PDYN: variants seen among roughly 807,000 people sequenced by gnomAD.
PDYN encodes proenkephalin-B.
In PDYN, 5 loss-of-function variants were observed where a neutral mutation model predicts 11.4. The observed-to-expected ratio is 0.44, with a 90% CI of 0.23 to 0.92. PDYN has a LOEUF of 0.92. Among genes scored for constraint, PDYN ranks in the 40% least tolerant of loss-of-function variants. The pLI is 0.24. For synonymous variants in PDYN, 132 were observed against 129.5 expected, an observed-to-expected ratio of 1.02 and a Z score of -0.13; for missense variants, 337 against 317.3, an observed-to-expected ratio of 1.06 and a Z score of -0.47.
chr20:1,990,818 A>G (rs1445515453), intron 2 of PDYN, among the ~76,000 whole-genome samples: 1 of 152,072 alleles, frequency 6.6e-6, no homozygotes, highest in African/African-American at 2.4e-5. Flanking sequence ...GAGATGTAAA[A>G]AGAGAGAGTT....
rs1255371062 is a variant in PDYN, at chr20:1,980,629, A to G, written c.459T>C (p.Asp153=). The G allele has an allele frequency of 6.2e-7, 1 of 1,614,094 alleles. No homozygotes were observed. The highest frequency in any genetic ancestry group is 8.5e-7 in the Non-Finnish European group (1 of 1,180,006). ...SELMRDAQLN[D]GAMETGTLYL... is the part of the protein sequence containing the mutation. Reference sequence around the variant, plus strand: ...AGAGTGTGCCAGTCTCCATGGCACCATCGTTCAGCTGGGCATCCCTCATCA... The same window carrying G: ...AGAGTGTGCCAGTCTCCATGGCACCGTCGTTCAGCTGGGCATCCCTCATCA... The change falls in exon 4 of 4, where the codon GAT becomes GAC. Residue 153 remains aspartate (D), a synonymous_variant. Transcript: ENST00000217305.
Position 1,980,804 on chromosome 20 carries a change from A to G in PDYN, c.284T>C (p.Leu95Pro). ...CAGGAATGACCCAGAGAGCTTGGCC[A>G]GCTCACTGTAGGGCCCTTCCCCAAC... Reference protein sequence around the residue: ...KSVGEGPYSELAKLSGSFLKE... With the variant: ...KSVGEGPYSEPAKLSGSFLKE... Residue 95 changes from leucine to proline, a missense_variant, in exon 4 of 4, where the codon CTG (leucine) becomes CCG (proline). Transcript: ENST00000217305. The G allele has an allele frequency of 6.2e-7, 1 of 1,614,232 alleles. No homozygotes were observed. Among genetic ancestry groups the G allele is most frequent in the Non-Finnish European group, 8.5e-7 (1 of 1,180,044 alleles).
At chr20:1,980,987 G>A (rs1471718258) in intron 3 of PDYN, 29 bp from the exon 4 acceptor site, 2 of 1,612,580 alleles carry the variant, frequency 1.2e-6, no homozygotes, top group African/African-American at 2.7e-5. Flanking sequence ...GACCACAGTG[G>A]CAAATGATCA....
chr20:1,981,852 G>C (rs1320397521), intron 3 of PDYN, among the ~76,000 whole-genome samples: 1 of 151,940 alleles, frequency 6.6e-6, no homozygotes, highest in Non-Finnish European at 1.5e-5. Flanking sequence ...CTTGAACCCA[G>C]GAGGCGGAAG....
chr20:1,985,435 C>T (rs1282929774), intron 2 of PDYN, among the ~76,000 whole-genome samples: 1 of 152,056 alleles, frequency 6.6e-6, no homozygotes. Context: ...CTGTTTGACC[C>T]CCTACACTTA....
chr20:1,985,830 T>C (rs1400390128), intron 2 of PDYN, among the ~76,000 whole-genome samples: 2 of 152,118 alleles, frequency 1.3e-5, no homozygotes, highest in Non-Finnish European at 2.9e-5. Context: ...CAGTGAGCCA[T>C]ACAAAGCGGG....
chr20:1,987,175 G>A (rs150212607), intron 2 of PDYN, among the ~76,000 whole-genome samples: 4 of 152,052 alleles, frequency 2.6e-5, no homozygotes, highest in Admixed American at 6.6e-5. Context: ...GGATAATGCC[G>A]GCTCTCATAG....
At chr20:1,988,512 A>G (rs1201293048) in intron 2 of PDYN, among the ~76,000 whole-genome samples, 2 of 152,096 alleles carry the variant, frequency 1.3e-5, no homozygotes, top group Admixed American at 6.5e-5. Flanking sequence ...ATCATGTCTG[A>G]TTAGGGATGG....
rs368706093 is a variant in PDYN at position 1,981,931 on chromosome 20, AAAAT to A, written c.130-977_130-974del. On this transcript the variant is annotated intron_variant, in intron 3 of 3. Transcript: ENST00000217305. ...ACAGAGCAAGACTCTGTCTCAAACA[AAAAT>A]AAATAAATAAATAAATAAATAAATA... 1.4e-3 allele frequency among the ~76,000 whole-genome samples: 196 copies of A among 143,652 alleles called. 1 individual carries two copies. Among genetic ancestry groups the A allele is most frequent in the South Asian group, 3.3e-3 (15 of 4,520 alleles). The allele number at this position is 143,652 out of a possible 152,430, so 94.2% of individuals were successfully genotyped here.
At chr20:1,981,062 C>T (rs1209317591) in intron 3 of PDYN, 104 bp from the exon 4 acceptor site, 1 of 1,261,820 alleles carries the variant, frequency 7.9e-7, no homozygotes, top group Non-Finnish European at 1.1e-6. Flanking sequence ...AAATGAACGC[C>T]ACTGCTAAGC....
rs1273978990 is a variant in PDYN at position 1,978,917 on chromosome 20, C to A, written c.*1406G>T. 2.0e-5 allele frequency: 3 copies of A among 152,168 alleles called. No homozygotes were observed. Among genetic ancestry groups the A allele is most frequent in the Non-Finnish European group, 4.4e-5 (3 of 68,028 alleles). The allele number at this position is 152,168 out of a possible 1,614,324, so 9.4% of individuals were successfully genotyped here. ...ATCCATTTCAGAACATCATCAGATA[C>A]CTGGGGACTGCGCATGAAGAGATGT... is the stretch of plus-strand genomic sequence containing the variant. On this transcript the variant is annotated 3_prime_UTR_variant, in exon 4 of 4. Transcript: ENST00000217305.
intron 2 of PDYN, among the ~76,000 whole-genome samples, chr20:1,989,288 A>G (rs2235751): frequency 0.4 from 60,773 of 151,976 alleles, 14,937 homozygotes; most frequent in East Asian, 0.84. Context: ...AGTTGCCTGG[A>G]CTGCTCTCCT....
At chr20:1,991,344 C>T (rs1988438593) in intron 2 of PDYN, among the ~76,000 whole-genome samples, 1 of 152,356 alleles carries the variant, frequency 6.6e-6, no homozygotes, top group East Asian at 1.9e-4. Flanking sequence ...TGGCCAGCCG[C>T]TCTGGCCAGT....
chr20:1,987,260 AATGAAT>A, intron 2 of PDYN, among the ~76,000 whole-genome samples: 1 of 152,264 alleles, frequency 6.6e-6, no homozygotes, highest in African/African-American at 2.4e-5. Flanking sequence ...TGAATGAATG[AATGAAT>A]GAATGAATGA....
intron 2 of PDYN, among the ~76,000 whole-genome samples, chr20:1,986,879 C>A (rs1260260908): frequency 6.6e-6 from 1 of 152,246 alleles, no homozygotes; most frequent in Non-Finnish European, 1.5e-5. Flanking sequence ...CACTCATCCA[C>A]TCCCATCACA....
intron 1 of PDYN, among the ~76,000 whole-genome samples, chr20:1,993,358 A>G (rs1339286666): frequency 1.3e-5 from 2 of 152,198 alleles, no homozygotes; most frequent in Non-Finnish European, 2.9e-5. Flanking sequence ...CATCAAAAGA[A>G]GCCGCTCAAA....
chr20:1,981,253 T>G (rs1363999032), intron 3 of PDYN, among the ~76,000 whole-genome samples: 1 of 151,986 alleles, frequency 6.6e-6, no homozygotes, highest in Non-Finnish European at 1.5e-5. Flanking sequence ...TGCTCACCTT[T>G]CCCCCTCCAC....
intron 2 of PDYN, among the ~76,000 whole-genome samples, chr20:1,985,323 A>G (rs928656143): frequency 6.6e-6 from 1 of 151,968 alleles, no homozygotes; most frequent in African/African-American, 2.4e-5. Context: ...TAAGCTCTTC[A>G]ATTCATCACC....
chr20:1,983,736 C>T (rs373753471), intron 2 of PDYN, among the ~76,000 whole-genome samples: 2 of 152,270 alleles, frequency 1.3e-5, no homozygotes, highest in African/African-American at 2.4e-5. Context: ...CCTGAAATGC[C>T]GGTCTTGGCA....
Sources: gnomAD v4.1 joint callset for allele counts (sites outside exome capture counted in the v4.1 genomes callset) on GRCh38, gnomAD v4.1.1 for gene constraint, MANE v1.5 for transcripts, NCBI Gene and HGNC (gene_info 2026-07-23, HGNC 2026-07-21) for gene names.